Variants in FAM81A observed in about 807,000 individuals in gnomAD.
FAM81A encodes the protein protein FAM81A.
Under a neutral mutation model 46.7 loss-of-function variants are expected in FAM81A, and 19 were observed. That is an observed-to-expected ratio of 0.41 (90% CI 0.28 to 0.60). The LOEUF (loss-of-function observed/expected upper bound fraction) is 0.60. Among genes scored for constraint, FAM81A ranks in the 20% least tolerant of loss-of-function variants. FAM81A has a pLI of 0.34. For synonymous variants in FAM81A, 183 were observed against 152.9 expected (o/e 1.20, Z -1.45); for missense variants, 377 against 453.5 (o/e 0.83, Z 1.53).
intron 1 of FAM81A, chr15:59,402,011 G>A (rs1433279234): frequency 1.1e-5 from 7 of 621,602 alleles, no homozygotes; most frequent in Admixed American, 2.7e-5. Flanking sequence ...GCATGTTGAC[G>A]CCGCAGAGCT....
At chr15:59,449,794 A>C (rs1237829796) in intron 1 of FAM81A, among the ~76,000 whole-genome samples, 2 of 150,450 alleles carry the variant, frequency 1.3e-5, no homozygotes, top group Admixed American at 6.6e-5. Context: ...AAAAAAAAAA[A>C]AAAAAAAAAA....
At chr15:59,513,148 G>A (rs1040466879) in intron 6 of FAM81A, among the ~76,000 whole-genome samples, 6 of 152,130 alleles carry the variant, frequency 3.9e-5, no homozygotes, top group African/African-American at 1.4e-4. Context: ...GGAGGTAGCA[G>A]GTATGGACAG....
chr15:59,514,483 T>C, intron 7 of FAM81A, 59 bp downstream of exon 7: 1 of 1,546,946 alleles, frequency 6.5e-7, no homozygotes, highest in East Asian at 2.3e-5. Flanking sequence ...CCTACACTGT[T>C]TGAATAATAA....
intron 3 of FAM81A, among the ~76,000 whole-genome samples, chr15:59,485,868 A>G (rs1188110274): frequency 6.6e-6 from 1 of 152,208 alleles, no homozygotes; most frequent in Admixed American, 6.5e-5. Flanking sequence ...ATCCTATCAG[A>G]TAAATTTAAC....
chr15:59,509,055 A>G, intron 6 of FAM81A, 86 bp downstream of exon 6: 2 of 1,010,432 alleles, frequency 2.0e-6, no homozygotes, highest in South Asian at 1.7e-5. Context: ...CTTGGTTTTT[A>G]TTTATTGCAC....
At chr15:59,485,953 T>C (rs1596517210) in intron 3 of FAM81A, among the ~76,000 whole-genome samples, 1 of 151,740 alleles carries the variant, frequency 6.6e-6, no homozygotes, top group Admixed American at 6.6e-5. Flanking sequence ...CCAAGGCGGG[T>C]GGATCACCTG....
chr15:59,511,095 C>CA (rs1324983523), intron 6 of FAM81A, among the ~76,000 whole-genome samples: 1 of 151,358 alleles, frequency 6.6e-6, no homozygotes, highest in East Asian at 1.9e-4. Context: ...GACTCCATCT[C>CA]AAAAAAAGAA....
intron 1 of FAM81A, among the ~76,000 whole-genome samples, chr15:59,443,074 A>G (rs2081317665): frequency 6.6e-6 from 1 of 152,118 alleles, no homozygotes; most frequent in Admixed American, 6.5e-5. Flanking sequence ...GGAGAAAAAA[A>G]GATCTTTATT....
At position 59,507,337 on chromosome 15, in the gene FAM81A, G is replaced by A. The variant is rs543646862; in HGVS notation, c.538G>A (p.Gly180Arg). The A allele has an allele frequency of 6.2e-7, 1 of 1,611,762 alleles. No homozygotes were observed. The highest frequency in any genetic ancestry group is 1.3e-5 in the African/African-American group (1 of 75,006). The change falls in exon 5 of 9, where the codon GGA becomes AGA. Residue 180 changes from glycine to arginine, a missense_variant. By Grantham distance (125) the Gly-to-Arg change is moderately radical (BLOSUM62 -2). Coordinates refer to ENST00000288228, the MANE Select transcript of FAM81A (RefSeq NM_152450.3). ...ILETKIKDAEGQISQLLNRVD... is the reference protein window; with the variant it reads ...ILETKIKDAERQISQLLNRVD... The stretch of plus-strand genomic sequence containing the variant: ...GGAAACGAAAATCAAAGATGCAGAG[G>A]GACAGGTACGACCTGTTTCAGGTAG...
chr15:59,413,737 T>A (rs1405583968), intron 2 of FAM81A, among the ~76,000 whole-genome samples: 1 of 152,040 alleles, frequency 6.6e-6, no homozygotes, highest in African/African-American at 2.4e-5. Flanking sequence ...CTGGGCAGCA[T>A]AGTGAGACCC....
intron 2 of FAM81A, among the ~76,000 whole-genome samples, chr15:59,427,593 G>A (rs192825573): frequency 3.9e-5 from 6 of 152,012 alleles, no homozygotes; most frequent in East Asian, 3.9e-4. Flanking sequence ...CCATTCTACC[G>A]TCTATCTCCA....
chr15:59,514,215 G>T, intron 6 of FAM81A, 74 bp from the exon 7 acceptor site: 15 of 1,396,536 alleles, frequency 1.1e-5, no homozygotes, highest in Non-Finnish European at 1.1e-5. Context: ...TCCTCAACAT[G>T]TACCCTGGAA....
At position 59,518,710 on chromosome 15, in the gene FAM81A, A is replaced by AT. The variant is rs2082293385; in HGVS notation, c.982+1876dup. On this transcript the variant is annotated intron_variant, in intron 8 of 8. Coordinates refer to ENST00000288228, the MANE Select transcript of FAM81A (RefSeq NM_152450.3). ...TAATACAATGTATCATCAATGAAAT[A>AT]TTTTTTAATATTCAATTTTCAACGT... is the stretch of plus-strand genomic sequence containing the variant. Among the ~76,000 whole-genome samples, 6 of 152,024 alleles carry AT rather than the reference A, an allele frequency of 3.9e-5. No homozygotes were observed. In the South Asian group the frequency reaches 1.2e-3, roughly 32 times the overall value.
chr15:59,482,680 T>C (rs772304475), intron 3 of FAM81A, among the ~76,000 whole-genome samples: 1 of 152,232 alleles, frequency 6.6e-6, no homozygotes, highest in Non-Finnish European at 1.5e-5. Context: ...GTGAGACTTA[T>C]GTATCCCAAA....
chr15:59,414,291 T>C (rs1411137347), intron 2 of FAM81A, among the ~76,000 whole-genome samples: 1 of 152,128 alleles, frequency 6.6e-6, no homozygotes, highest in Non-Finnish European at 1.5e-5. Context: ...TATGCTACTG[T>C]AGGAGAGGAA....
intron 3 of FAM81A, among the ~76,000 whole-genome samples, chr15:59,487,210 A>C (rs1057157169): frequency 9.5e-5 from 14 of 146,806 alleles, no homozygotes; most frequent in Admixed American, 6.8e-4. Context: ...TTATATATAT[A>C]TCTTATATGT....
At chr15:59,481,647 C>G (rs1462701597) in intron 3 of FAM81A, among the ~76,000 whole-genome samples, 1 of 151,878 alleles carries the variant, frequency 6.6e-6, no homozygotes, top group African/African-American at 2.4e-5. Context: ...AATAATGTAC[C>G]TTGTGAAATA....
chr15:59,445,280 C>T (rs543796607), intron 1 of FAM81A: 9 of 152,196 alleles, frequency 5.9e-5, no homozygotes, highest in Admixed American at 5.9e-4. Flanking sequence ...ATTGTGCTGC[C>T]GTCGCTGAGT....
chr15:59,494,301 T>C (rs1349753791), intron 4 of FAM81A, among the ~76,000 whole-genome samples: 2 of 152,166 alleles, frequency 1.3e-5, no homozygotes, highest in Non-Finnish European at 2.9e-5. Context: ...GTAGGGACTT[T>C]AGGAGGACTC....
Sources: gnomAD v4.1 joint callset for allele counts (sites outside exome capture counted in the v4.1 genomes callset) on GRCh38, gnomAD v4.1.1 for gene constraint, MANE v1.5 for transcripts, NCBI Gene and HGNC (gene_info 2026-07-23, HGNC 2026-07-21) for gene names.